SCP2: variants seen among roughly 807,000 people sequenced by gnomAD.
SCP2 encodes SCP-2/3-oxoacyl-CoA thiolase.
A neutral mutation model predicts 71.4 loss-of-function variants in SCP2; 48 were observed. The observed-to-expected ratio is 0.67, with a 90% confidence interval of 0.53 to 0.86. The LOEUF is 0.86. SCP2 is among the 40% of genes least tolerant of loss of function. The pLI, the probability that SCP2 is intolerant of heterozygous loss-of-function variation, is 0.00. For missense variants in SCP2, 560 were observed against 655.6 expected, an observed-to-expected ratio of 0.85 and a Z score of 1.59; for synonymous variants, 220 against 218.1, an observed-to-expected ratio of 1.01 and a Z score of -0.08.
At chr1:52,930,441 T>C (rs568743149) in intron 1 of SCP2, among the ~76,000 whole-genome samples, 20 of 152,126 alleles carry the variant, frequency 1.3e-4, no homozygotes, top group African/African-American at 4.3e-4. Context: ...CTGGGCGATA[T>C]TGGCAAAACC....
At position 52,980,331 on chromosome 1, in the gene SCP2, C is replaced by T. The variant is rs1418581951; in HGVS notation, c.826-65C>T. On this transcript the variant is annotated intron_variant, in intron 9 of 15. Transcript: ENST00000371514. ...GTTAAGGTTATGCATCTATTAATCTCTTAAAATACTTGTTTAAAAGGCCCA... is the reference window on the plus strand; with the variant it reads ...GTTAAGGTTATGCATCTATTAATCTTTTAAAATACTTGTTTAAAAGGCCCA... 2.1e-6 allele frequency: 3 copies of T among 1,457,484 alleles called. No individual in the cohort carries two copies. The African/African-American group carries it at 4.2e-5, about 21-fold the overall frequency. The allele number at this position is 1,457,484 out of a possible 1,614,324, so 90.3% of individuals were successfully genotyped here. A position where few individuals can be genotyped will look rare whatever the true frequency, so the allele number is the denominator to read the frequency against.
intron 9 of SCP2, among the ~76,000 whole-genome samples, chr1:52,979,373 A>C (rs1658278020): frequency 6.8e-6 from 1 of 147,900 alleles, no homozygotes; most frequent in Non-Finnish European, 1.5e-5. Context: ...TAAAGACACG[A>C]TTTTGCCATG....
chr1:52,971,858 G>T (rs532349807), intron 6 of SCP2, among the ~76,000 whole-genome samples: 5 of 152,214 alleles, frequency 3.3e-5, no homozygotes, highest in Non-Finnish European at 5.9e-5. Context: ...ACACAGAAAG[G>T]TGGAGGAAGT....
At chr1:52,996,074 A>T in intron 11 of SCP2, 1 of 923,642 alleles carries the variant, frequency 1.1e-6, no homozygotes. Flanking sequence ...TAGCCATCTT[A>T]CTCACCTGCC....
intron 14 of SCP2, among the ~76,000 whole-genome samples, chr1:53,046,638 G>A (rs565833468): frequency 1.1e-4 from 16 of 152,182 alleles, no homozygotes; most frequent in African/African-American, 3.9e-4. Context: ...AGATATATGA[G>A]TTGCAAATAT....
intron 12 of SCP2, among the ~76,000 whole-genome samples, chr1:53,021,962 A>T (rs1177492373): frequency 1.3e-5 from 2 of 152,156 alleles, no homozygotes; most frequent in African/African-American, 4.8e-5. Flanking sequence ...CCATTTTTTA[A>T]AAATTATTTC....
chr1:52,931,406 C>A (rs558311246), intron 1 of SCP2, among the ~76,000 whole-genome samples: 24 of 152,256 alleles, frequency 1.6e-4, no homozygotes, highest in Non-Finnish European at 2.6e-4. Context: ...GTGACTTTAC[C>A]TTTTCTTAGC....
At chr1:52,954,016 C>A (rs1468116498) in intron 4 of SCP2, among the ~76,000 whole-genome samples, 1 of 150,374 alleles carries the variant, frequency 6.7e-6, no homozygotes, top group Non-Finnish European at 1.5e-5. Context: ...CAAAACCCAG[C>A]AAAACCTTTG....
At chr1:52,962,284 C>G (rs1034250311) in intron 6 of SCP2, among the ~76,000 whole-genome samples, 8 of 152,282 alleles carry the variant, frequency 5.3e-5, no homozygotes, top group Middle Eastern at 6.8e-3. Context: ...TTCAATATAT[C>G]AGCAAGCCTT....
intron 3 of SCP2, among the ~76,000 whole-genome samples, chr1:52,949,431 T>C (rs969803857): frequency 6.6e-6 from 1 of 152,206 alleles, no homozygotes; most frequent in Non-Finnish European, 1.5e-5. Context: ...AAATTTAATT[T>C]ACTCAGCAAG....
At chr1:52,953,661 T>C (rs1393105828) in intron 4 of SCP2, among the ~76,000 whole-genome samples, 10 of 152,056 alleles carry the variant, frequency 6.6e-5, no homozygotes, top group Non-Finnish European at 1.3e-4. Flanking sequence ...TTTCCTCTTA[T>C]CTAGAAGAAT....
chr1:52,949,201 T>C (rs939646685), intron 3 of SCP2, among the ~76,000 whole-genome samples: 7 of 152,172 alleles, frequency 4.6e-5, no homozygotes, highest in Admixed American at 4.6e-4. Flanking sequence ...TATCAAGATA[T>C]CAAGAGAATT....
chr1:52,967,548 G>A (rs1657081590), intron 6 of SCP2, among the ~76,000 whole-genome samples: 1 of 152,012 alleles, frequency 6.6e-6, no homozygotes, highest in South Asian at 2.1e-4. Flanking sequence ...TGTTGCCCAG[G>A]CTGGAGTGCA....
intron 11 of SCP2, among the ~76,000 whole-genome samples, chr1:52,989,807 T>G (rs1659311050): frequency 6.6e-6 from 1 of 152,144 alleles, no homozygotes; most frequent in African/African-American, 2.4e-5. Flanking sequence ...GGGAGTAGGA[T>G]GTCCATAGGG....
At position 53,012,447 on chromosome 1, in the gene SCP2, C is replaced by G. The variant is rs191696478; in HGVS notation, c.1082-2443C>G. ...ATACATGTTAAATAAATTTGTATACCCTTTCTCTAATTAATCTGACTTTTA... is the reference window on the plus strand; with the variant it reads ...ATACATGTTAAATAAATTTGTATACGCTTTCTCTAATTAATCTGACTTTTA... On this transcript the variant is annotated intron_variant, in intron 11 of 15. Transcript: ENST00000371514. Among the ~76,000 whole-genome samples, 372 of 152,172 alleles carry G rather than the reference C, an allele frequency of 2.4e-3. 1 individual carries two copies. Among genetic ancestry groups the G allele is most frequent in the Middle Eastern group, 0.017 (5 of 294 alleles).
chr1:52,942,954 G>A (rs567247498), intron 2 of SCP2, among the ~76,000 whole-genome samples: 59 of 152,046 alleles, frequency 3.9e-4, no homozygotes, highest in African/African-American at 1.4e-3. Context: ...CACCGACCTC[G>A]GCCTCCCAGA....
intron 10 of SCP2, among the ~76,000 whole-genome samples, chr1:52,986,614 C>G: frequency 6.6e-6 from 1 of 152,150 alleles, no homozygotes. Flanking sequence ...TGGAGCCAGG[C>G]TCCCTGAGTA....
At position 52,947,690 on chromosome 1, in the gene SCP2, G is replaced by C. The variant is rs1654932124; in HGVS notation, c.128-319G>C. Among the ~76,000 whole-genome samples the C allele has an allele frequency of 3.9e-5, 6 of 152,132 alleles. No individual in the cohort carries two copies. The South Asian group carries it at 1.2e-3, about 32-fold the overall frequency. On this transcript the variant is annotated intron_variant, in intron 2 of 15. Transcript: ENST00000371514. ...TCTAGATGTGCAGTGGAGCTACAGG[G>C]ATGAATAAGACAAGGGACAAGGACC... is the stretch of plus-strand genomic sequence containing the variant.
intron 14 of SCP2, among the ~76,000 whole-genome samples, chr1:53,039,591 A>G (rs1211842687): frequency 1.3e-5 from 2 of 152,166 alleles, no homozygotes; most frequent in Non-Finnish European, 1.5e-5. Flanking sequence ...TGACTACCAC[A>G]TTGCTAAATT....
Sources: allele counts gnomAD v4.1 joint callset (sites outside exome capture counted in the v4.1 genomes callset), GRCh38; gene constraint gnomAD v4.1.1; transcripts MANE v1.5; gene names NCBI Gene and HGNC (gene_info 2026-07-23, HGNC 2026-07-21).